Variants in MFSD6 observed in about 807,000 individuals in gnomAD.
The protein encoded by MFSD6 is major facilitator superfamily domain containing 6.
A neutral mutation model predicts 56.3 loss-of-function variants in MFSD6; 26 were observed. The ratio of observed to expected loss-of-function variants is 0.46; its 90% CI spans 0.34 to 0.64. The LOEUF is 0.64. Ranked by LOEUF, MFSD6 falls within the 30% of genes least tolerant of loss-of-function variation. The pLI is 0.01. For missense variants in MFSD6, 750 were observed against 986.2 expected (o/e 0.76, Z 3.21); for synonymous variants, 331 against 366.9 (o/e 0.90, Z 1.12).
At position 190,458,641 on chromosome 2, in the gene MFSD6, G is replaced by A. The variant is rs1046482959; in HGVS notation, c.1533-11117G>A. Among the ~76,000 whole-genome samples, 8 of 152,118 alleles carry A rather than the reference G, an allele frequency of 5.3e-5. No homozygotes were observed. Among genetic ancestry groups the A allele is most frequent in the African/African-American group, 7.2e-5 (3 of 41,408 alleles). Reference sequence around the variant, plus strand: ...GATGGTTATTAGCCTTTGCTTGACCGTTTCTAGAGATATGGAACTTGCTGT... The same window carrying A: ...GATGGTTATTAGCCTTTGCTTGACCATTTCTAGAGATATGGAACTTGCTGT... On this transcript the variant is annotated intron_variant, in intron 3 of 7. Coordinates refer to ENST00000392328, the MANE Select transcript of MFSD6 (RefSeq NM_017694.4). The surrounding 1 kb of genome is among the most constrained non-coding windows in gnomAD (Gnocchi z 5.3).
At chr2:190,411,178 TCAG>T in intron 1 of MFSD6, 1 of 950,564 alleles carries the variant, frequency 1.1e-6, no homozygotes. Flanking sequence ...TTTTTTTTTT[TCAG>T]ACAGAGTCTC....
Position 190,437,812 on chromosome 2 carries a change from A to G in MFSD6, c.1532+251A>G, listed in dbSNP as rs1686230004. Among the ~76,000 whole-genome samples, 1 of 152,196 alleles carries G rather than the reference A, an allele frequency of 6.6e-6. No homozygotes were observed. The highest frequency in any genetic ancestry group is 2.1e-4 in the South Asian group (1 of 4,826). On this transcript the variant is annotated intron_variant, in intron 3 of 7. Coordinates refer to ENST00000392328, the MANE Select transcript of MFSD6 (RefSeq NM_017694.4). This position sits in a 1 kb window ranked among gnomAD's most constrained non-coding sequence, Gnocchi z 5.9. Reference sequence around the variant, plus strand: ...CTCTCCCACCCCACAGAAAAGACCTATAGGCTACCTAGCTGTGTGCTAAGA... The same window carrying G: ...CTCTCCCACCCCACAGAAAAGACCTGTAGGCTACCTAGCTGTGTGCTAAGA...
At chr2:190,429,910 A>G (rs950100902) in intron 2 of MFSD6, among the ~76,000 whole-genome samples, 1 of 151,958 alleles carries the variant, frequency 6.6e-6, no homozygotes, top group Admixed American at 6.5e-5. Context: ...GATTTGATAC[A>G]TATGTATACA....
At position 190,417,282 on chromosome 2, in the gene MFSD6, C is replaced by G. The variant is rs1052785105; in HGVS notation, c.-54+1869C>G. 5.9e-5 allele frequency among the ~76,000 whole-genome samples: 9 copies of G among 152,272 alleles called. No individual in the cohort carries two copies. The highest frequency in any genetic ancestry group is 2.2e-4 in the African/African-American group (9 of 41,556). ...GATCATTAGCGGTAAGATCAGCACA[C>G]CAAAATAAAAGTTCAAATGTTGGGA... On this transcript the variant is annotated intron_variant, in intron 2 of 7. Transcript: ENST00000392328. The surrounding 1 kb of genome is among the most constrained non-coding windows in gnomAD (Gnocchi z 5.7).
chr2:190,482,868 CTTTTTTTTTTTTTTTTTTTTT>C (rs199927176), intron 4 of MFSD6, among the ~76,000 whole-genome samples: 15 of 48,284 alleles, frequency 3.1e-4, no homozygotes, highest in East Asian at 7.0e-4. Flanking sequence ...AGACTATCAT[CTTTTTTTTTTTTTTTTTTTTT>C]TTTTTTTTTT....
chr2:190,412,077 TTAAAC>T lies in MFSD6; in HGVS notation c.-175-3211_-175-3207del. 5.1e-6 allele frequency: 5 copies of T among 984,994 alleles called. No homozygotes were observed. Among genetic ancestry groups the T allele is most frequent in the Non-Finnish European group, 6.0e-6 (5 of 829,528 alleles). 61.0% of individuals were successfully genotyped at this position (984,994 alleles called of 1,614,324 possible). A position where few individuals can be genotyped will look rare whatever the true frequency, so the allele number is the denominator to read the frequency against. On this transcript the variant is annotated intron_variant, in intron 1 of 7. Transcript: ENST00000392328. The surrounding 1 kb of genome is among the most constrained non-coding windows in gnomAD (Gnocchi z 4.1). ...TTAGGAGAAGCAAGTTATCATAAAGTTAAACTAATCTGATGCATATGTACTTGTTA... is the reference window on the plus strand; with the variant it reads ...TTAGGAGAAGCAAGTTATCATAAAGTTAATCTGATGCATATGTACTTGTTA...
Position 190,500,433 on chromosome 2 carries a change from A to G in MFSD6, c.*215A>G, listed in dbSNP as rs2125283442. 2 of 581,064 alleles carry G rather than the reference A, an allele frequency of 3.4e-6. No homozygotes were observed. The highest frequency in any genetic ancestry group is 4.7e-4 in the Middle Eastern group (1 of 2,150). The allele number at this position is 581,064 out of a possible 1,614,324, so 36.0% of individuals were successfully genotyped here. ...CTTTCGTAATCTCATTGGAATTACA[A>G]CAGGGAAATGGAGTTCAATGAGGAC... On this transcript the variant is annotated 3_prime_UTR_variant, in exon 8 of 8. Coordinates refer to ENST00000392328, the MANE Select transcript of MFSD6 (RefSeq NM_017694.4). The surrounding 1 kb of genome is among the most constrained non-coding windows in gnomAD (Gnocchi z 5.3).
At position 190,469,733 on chromosome 2, in the gene MFSD6, A is replaced by ATTTTTTTTAT. The variant is rs145257711; in HGVS notation, c.1533-20_1533-19insTTTATTTTTT. 1 of 1,120,190 alleles carries ATTTTTTTTAT rather than the reference A, an allele frequency of 8.9e-7. No homozygotes were observed. The highest frequency in any genetic ancestry group is 1.2e-6 in the Non-Finnish European group (1 of 839,440). 69.4% of individuals were successfully genotyped at this position (1,120,190 alleles called of 1,614,324 possible). On this transcript the variant is annotated intron_variant, in intron 3 of 7. Transcript: ENST00000392328. The surrounding 1 kb of genome is among the most constrained non-coding windows in gnomAD (Gnocchi z 5.3). ...ATTTTCCTTTGCTTTTTTTTATTTT[A>ATTTTTTTTAT]TTTTTATTTTTTATTTTTTTTTAGG...
intron 4 of MFSD6, among the ~76,000 whole-genome samples, chr2:190,484,390 C>G (rs992164118): frequency 6.6e-6 from 1 of 152,180 alleles, no homozygotes; most frequent in East Asian, 1.9e-4. Context: ...TTTCACAGTT[C>G]TCTAATAACT....
chr2:190,463,800 A>T lies in MFSD6; in HGVS notation c.1533-5958A>T. 3 of 867,072 alleles carry T rather than the reference A, an allele frequency of 3.5e-6. No individual in the cohort carries two copies. The highest frequency in any genetic ancestry group is 4.2e-6 in the Non-Finnish European group (3 of 721,878). 53.7% of individuals were successfully genotyped at this position (867,072 alleles called of 1,614,324 possible). On this transcript the variant is annotated intron_variant, in intron 3 of 7. Transcript: ENST00000392328. The surrounding 1 kb of genome is among the most constrained non-coding windows in gnomAD (Gnocchi z 4.4). ...ACGCTACTGCACTCCAGCCTGGGTA[A>T]CAGAGCAAGACCCTGTCTCAAAAAT...
intron 2 of MFSD6, among the ~76,000 whole-genome samples, chr2:190,432,220 G>A (rs1686028397): frequency 6.6e-6 from 1 of 152,176 alleles, no homozygotes; most frequent in East Asian, 1.9e-4. Context: ...ATTTTCTAGA[G>A]AAGAGGCTTT....
chr2:190,435,661 G>A lies in MFSD6; in HGVS notation c.-53-316G>A, dbSNP rs1471412921. ...AAACAGTGTTTATTTTCAACTCTCT[G>A]TGTTTGGTTTAGACATAATCCCTAT... On this transcript the variant is annotated intron_variant, in intron 2 of 7. Coordinates refer to ENST00000392328, the MANE Select transcript of MFSD6 (RefSeq NM_017694.4). Among the ~76,000 whole-genome samples, 6 of 152,294 alleles carry A rather than the reference G, an allele frequency of 3.9e-5. No homozygotes were observed. In the South Asian group the frequency reaches 1.0e-3, roughly 26 times the overall value.
chr2:190,486,651 A>G (rs1406045552), intron 4 of MFSD6, among the ~76,000 whole-genome samples: 1 of 152,226 alleles, frequency 6.6e-6, no homozygotes, highest in East Asian at 1.9e-4. Flanking sequence ...GAGGAAGGAG[A>G]ATAAATTTAG....
Position 190,434,316 on chromosome 2 carries a change from T to TAATCATTC in MFSD6, c.-53-1656_-53-1649dup, listed in dbSNP as rs1686104395. ...ATGCACACAAGACCTTTTGACACTTTAATCATTCAATCTTTAATAGAAGAA... is the reference window on the plus strand; with the variant it reads ...ATGCACACAAGACCTTTTGACACTTTAATCATTCAATCATTCAATCTTTAATAGAAGAA... On this transcript the variant is annotated intron_variant, in intron 2 of 7. Transcript: ENST00000392328. This position sits in a 1 kb window ranked among gnomAD's most constrained non-coding sequence, Gnocchi z 4.3. Among the ~76,000 whole-genome samples the TAATCATTC allele has an allele frequency of 6.6e-6, 1 of 152,202 alleles. No homozygotes were observed. Among genetic ancestry groups the TAATCATTC allele is most frequent in the South Asian group, 2.1e-4 (1 of 4,830 alleles).
At position 190,425,493 on chromosome 2, in the gene MFSD6, G is replaced by A. The variant is rs1685759888; in HGVS notation, c.-54+10080G>A. Reference sequence around the variant, plus strand: ...TTCCGTAGGTGATCTTTATCAAATTGAGAACATTCCCCTCTGTTCTTAGTT... The same window carrying A: ...TTCCGTAGGTGATCTTTATCAAATTAAGAACATTCCCCTCTGTTCTTAGTT... On this transcript the variant is annotated intron_variant, in intron 2 of 7. Coordinates refer to ENST00000392328, the MANE Select transcript of MFSD6 (RefSeq NM_017694.4). This position sits in a 1 kb window ranked among gnomAD's most constrained non-coding sequence, Gnocchi z 4.3. Among the ~76,000 whole-genome samples, 1 of 152,128 alleles carries A rather than the reference G, an allele frequency of 6.6e-6. No homozygotes were observed. Among genetic ancestry groups the A allele is most frequent in the Non-Finnish European group, 1.5e-5 (1 of 68,012 alleles).
chr2:190,457,989 C>T lies in MFSD6; in HGVS notation c.1533-11769C>T, dbSNP rs766666467. Among the ~76,000 whole-genome samples the T allele has an allele frequency of 1.3e-5, 2 of 152,170 alleles. No homozygotes were observed. The highest frequency in any genetic ancestry group is 4.8e-5 in the African/African-American group (2 of 41,436). Reference sequence around the variant, plus strand: ...GTAAATATGGTCAGATTAGGTTGTACAAAATGCGAAGAGTCCTCCTCTAAG... The same window carrying T: ...GTAAATATGGTCAGATTAGGTTGTATAAAATGCGAAGAGTCCTCCTCTAAG... On this transcript the variant is annotated intron_variant, in intron 3 of 7. Transcript: ENST00000392328. This position sits in a 1 kb window ranked among gnomAD's most constrained non-coding sequence, Gnocchi z 5.1.
Position 190,436,399 on chromosome 2 carries a change from G to C in MFSD6, c.370G>C (p.Val124Leu). 1 of 1,614,198 alleles carries C rather than the reference G, an allele frequency of 6.2e-7. No individual in the cohort carries two copies. Among genetic ancestry groups the C allele is most frequent in the Non-Finnish European group, 8.5e-7 (1 of 1,180,028 alleles). ...CTGCAGTGCCCCCTTTTGGGGTGTA[G>C]TTGCAGACCGCTTTAAAAAAGGCAA... Reference protein sequence around the residue: ...EFCSAPFWGVVADRFKKGKIV... With the variant: ...EFCSAPFWGVLADRFKKGKIV... The change falls in exon 3 of 8, where the codon GTT (valine) becomes CTT (leucine). Residue 124 changes from valine to leucine, a missense_variant. This residue lies in a region of MFSD6 where 376 missense variants were observed against 437.9 expected (regional missense o/e 0.86). Transcript: ENST00000392328. This position sits in a 1 kb window ranked among gnomAD's most constrained non-coding sequence, Gnocchi z 5.3.
At position 190,439,497 on chromosome 2, in the gene MFSD6, G is replaced by T. The variant is rs528973896; in HGVS notation, c.1532+1936G>T. Among the ~76,000 whole-genome samples, 1 of 152,058 alleles carries T rather than the reference G, an allele frequency of 6.6e-6. No individual in the cohort carries two copies. Among genetic ancestry groups the T allele is most frequent in the Non-Finnish European group, 1.5e-5 (1 of 68,024 alleles). On this transcript the variant is annotated intron_variant, in intron 3 of 7. Coordinates refer to ENST00000392328, the MANE Select transcript of MFSD6 (RefSeq NM_017694.4). This position sits in a 1 kb window ranked among gnomAD's most constrained non-coding sequence, Gnocchi z 5.8. The stretch of plus-strand genomic sequence containing the variant: ...TTATTTCCACATGCTAAGAAAAGAT[G>T]GTTCTCTTCTACCTTTGCCTTTTGT...
At chr2:190,481,357 T>A (rs1346759150) in intron 4 of MFSD6, among the ~76,000 whole-genome samples, 1 of 152,252 alleles carries the variant, frequency 6.6e-6, no homozygotes, top group African/African-American at 2.4e-5. Flanking sequence ...TTTTATTTCC[T>A]CTGTCCACTT....
Sources: allele counts gnomAD v4.1 joint callset (sites outside exome capture counted in the v4.1 genomes callset), GRCh38; gene constraint gnomAD v4.1.1; regional missense constraint gnomAD v4.1.1; non-coding constraint Gnocchi (gnomAD v3.1); transcripts MANE v1.5; gene names NCBI Gene and HGNC (gene_info 2026-07-23, HGNC 2026-07-21).